Variants in MATN2 observed in about 807,000 individuals in gnomAD.
MATN2 encodes matrilin 2.
In MATN2, 69 loss-of-function variants were observed where a neutral mutation model predicts 103.2. That is an observed-to-expected ratio of 0.67 (90% confidence interval 0.55 to 0.82). MATN2 has a LOEUF of 0.82. Among genes scored for constraint, MATN2 ranks in the 40% least tolerant of loss-of-function variants. MATN2 has a pLI of 0.00. For synonymous variants in MATN2, 429 were observed against 450.2 expected, an observed-to-expected ratio of 0.95 and a Z score of 0.60; for missense variants, 1,023 against 1,211.5, an observed-to-expected ratio of 0.84 and a Z score of 2.31.
At chr8:97,988,042 A>C (rs1221626442) in intron 6 of MATN2, among the ~76,000 whole-genome samples, 1 of 150,556 alleles carries the variant, frequency 6.6e-6, no homozygotes, top group African/African-American at 2.4e-5. Flanking sequence ...ATACAGGCCA[A>C]GCATGGTGGA....
At chr8:97,963,684 G>A (rs1043763326) in intron 5 of MATN2, among the ~76,000 whole-genome samples, 1 of 152,154 alleles carries the variant, frequency 6.6e-6, no homozygotes, top group African/African-American at 2.4e-5. Context: ...CATTTTCTCA[G>A]TGGGGATCCA....
intron 3 of MATN2, among the ~76,000 whole-genome samples, chr8:97,935,571 G>A (rs954817549): frequency 1.3e-5 from 2 of 152,152 alleles, no homozygotes; most frequent in African/African-American, 4.8e-5. Context: ...AGGCTAGAGT[G>A]CAGTGGCATG....
chr8:97,957,323 A>G (rs547510259), intron 4 of MATN2, among the ~76,000 whole-genome samples: 17 of 152,246 alleles, frequency 1.1e-4, no homozygotes, highest in Non-Finnish European at 1.5e-4. Context: ...TCAAAAGCAT[A>G]AGGAATCATC....
chr8:97,902,628 G>A (rs1819027922), intron 2 of MATN2, among the ~76,000 whole-genome samples: 1 of 152,194 alleles, frequency 6.6e-6, no homozygotes. Flanking sequence ...ATGGGTGTGT[G>A]TTGCCGGGAG....
At chr8:98,028,178 C>T (rs1813880827) in intron 14 of MATN2, among the ~76,000 whole-genome samples, 1 of 152,186 alleles carries the variant, frequency 6.6e-6, no homozygotes, top group Admixed American at 6.5e-5. Context: ...GCTCTAGAAT[C>T]AACTGAAGAC....
intron 2 of MATN2, among the ~76,000 whole-genome samples, chr8:97,926,482 G>A (rs1412472793): frequency 6.6e-6 from 1 of 152,178 alleles, no homozygotes; most frequent in Non-Finnish European, 1.5e-5. Flanking sequence ...AATTTCCTAA[G>A]GGTGCCTGCC....
intron 5 of MATN2, among the ~76,000 whole-genome samples, chr8:97,966,448 T>C (rs1271378540): frequency 6.7e-6 from 1 of 149,534 alleles, no homozygotes; most frequent in Non-Finnish European, 1.5e-5. Context: ...TCCCAGCTAC[T>C]CCAGAGGCTG....
At chr8:97,963,091 T>C (rs1425343468) in intron 5 of MATN2, among the ~76,000 whole-genome samples, 1 of 152,192 alleles carries the variant, frequency 6.6e-6, no homozygotes, top group Admixed American at 6.5e-5. Flanking sequence ...GCTGAGATTG[T>C]GCCACTGCAC....
At chr8:97,942,385 G>A (rs770566176) in intron 4 of MATN2, among the ~76,000 whole-genome samples, 2 of 152,176 alleles carry the variant, frequency 1.3e-5, no homozygotes, top group African/African-American at 4.8e-5. Flanking sequence ...ACACTTTATA[G>A]GTGTCCTAGA....
intron 3 of MATN2, among the ~76,000 whole-genome samples, chr8:97,935,945 C>T (rs563115496): frequency 2.0e-5 from 3 of 152,316 alleles, no homozygotes; most frequent in Admixed American, 6.5e-5. Context: ...AGCCAGACCT[C>T]GCTGGGTGAG....
intron 2 of MATN2, among the ~76,000 whole-genome samples, chr8:97,906,460 C>T (rs1819174728): frequency 6.6e-6 from 1 of 152,202 alleles, no homozygotes; most frequent in Non-Finnish European, 1.5e-5. Flanking sequence ...GCCCTTTTCC[C>T]TCCTACCAGA....
chr8:97,915,181 G>T (rs773497041), intron 2 of MATN2, among the ~76,000 whole-genome samples: 2 of 152,012 alleles, frequency 1.3e-5, no homozygotes, highest in Non-Finnish European at 2.9e-5. Context: ...TTGTAGTGAT[G>T]TGGTATCACC....
intron 2 of MATN2, among the ~76,000 whole-genome samples, chr8:97,893,121 A>G (rs1818685810): frequency 6.6e-6 from 1 of 152,174 alleles, no homozygotes; most frequent in South Asian, 2.1e-4. Flanking sequence ...TTGTCTTTGC[A>G]CCCACTGTAC....
At chr8:98,001,451 T>C (rs1812782618) in intron 7 of MATN2, among the ~76,000 whole-genome samples, 1 of 146,138 alleles carries the variant, frequency 6.8e-6, no homozygotes, top group African/African-American at 2.6e-5. Flanking sequence ...TTTCTCTTTA[T>C]ACACTTTTGT....
chr8:97,964,021 A>G (rs1811400961), intron 5 of MATN2, among the ~76,000 whole-genome samples: 1 of 152,118 alleles, frequency 6.6e-6, no homozygotes, highest in African/African-American at 2.4e-5. Context: ...AGGCTGGAAG[A>G]TCTGAGTGTG....
In MATN2 at chr8:98,035,793, A is replaced by C; in HGVS notation, c.*81A>C. On this transcript the variant is annotated 3_prime_UTR_variant, in exon 19 of 19. Coordinates refer to ENST00000254898, the MANE Select transcript of MATN2 (RefSeq NM_002380.5). ...AGTGCAGAGCCCCAAAGCTCAGGCT[A>C]TTGTTAAATCAATAATGTTGTGAAG... The C allele has an allele frequency of 1.2e-6, 1 of 817,556 alleles. No homozygotes were observed. The highest frequency in any genetic ancestry group is 1.9e-6 in the Non-Finnish European group (1 of 529,954). The allele number at this position is 817,556 out of a possible 1,614,324, so 50.6% of individuals were successfully genotyped here. A position where few individuals can be genotyped will look rare whatever the true frequency, so the allele number is the denominator to read the frequency against.
At chr8:97,892,093 C>T (rs924872642) in intron 2 of MATN2, among the ~76,000 whole-genome samples, 1 of 151,970 alleles carries the variant, frequency 6.6e-6, no homozygotes, top group African/African-American at 2.4e-5. Flanking sequence ...AAAAATTAGC[C>T]TGGTTTGGTG....
At chr8:97,874,929 G>T (rs1483951541) in intron 1 of MATN2, among the ~76,000 whole-genome samples, 1 of 151,636 alleles carries the variant, frequency 6.6e-6, no homozygotes, top group African/African-American at 2.4e-5. Flanking sequence ...TGTTAGTCAG[G>T]CTGGTCTCGA....
chr8:97,875,052 G>A (rs755058935), intron 1 of MATN2, among the ~76,000 whole-genome samples: 23 of 151,872 alleles, frequency 1.5e-4, no homozygotes, highest in Non-Finnish European at 2.8e-4. Flanking sequence ...GATTACATTG[G>A]CCCACCTAGA....
Sources: allele counts gnomAD v4.1 joint callset (sites outside exome capture counted in the v4.1 genomes callset), GRCh38; gene constraint gnomAD v4.1.1; transcripts MANE v1.5; gene names NCBI Gene and HGNC (gene_info 2026-07-23, HGNC 2026-07-21).